The following FZD1 variants were observed in gnomAD, a reference collection of about 807,000 sequenced individuals.
FZD1 encodes the protein frizzled-1.
In FZD1, 22 loss-of-function variants were observed where a neutral mutation model predicts 48.0. The observed-to-expected ratio is 0.46, with a 90% CI of 0.33 to 0.65. FZD1 has a LOEUF of 0.65. Among genes scored for constraint, FZD1 ranks in the 30% least tolerant of loss-of-function variants. The probability of loss-of-function intolerance (pLI) is 0.02; values close to 1 mark genes in which losing one functional copy is unlikely to be tolerated. For synonymous variants in FZD1, 486 were observed against 409.6 expected, an observed-to-expected ratio of 1.19 and a Z score of -2.25; for missense variants, 843 against 898.1, an observed-to-expected ratio of 0.94 and a Z score of 0.78.
chr7:91,264,645 C>G lies in FZD1; in HGVS notation c.-236C>G, dbSNP rs1397628370. The stretch of plus-strand genomic sequence containing the variant: ...GAGGGCCAGGAAGGCGGGACACGAC[C>G]CCGGCGCGCCCTAGCCACCCGGGTT... On this transcript the variant is annotated 5_prime_UTR_variant, in exon 1 of 1. Transcript: ENST00000287934. 9 of 387,486 alleles carry G rather than the reference C, an allele frequency of 2.3e-5. No homozygotes were observed. The highest frequency in any genetic ancestry group is 4.1e-5 in the Non-Finnish European group (9 of 219,656). 24.0% of individuals were successfully genotyped at this position (387,486 alleles called of 1,614,324 possible).
At position 91,269,953 on chromosome 7, in the gene FZD1, A is replaced by G. The variant is rs1027281433; in HGVS notation, c.*3129A>G. 3.0e-5 allele frequency: 5 copies of G among 167,094 alleles called. No homozygotes were observed. Among genetic ancestry groups the G allele is most frequent in the African/African-American group, 9.6e-5 (4 of 41,458 alleles). The allele number at this position is 167,094 out of a possible 1,614,324, so 10.4% of individuals were successfully genotyped here. ...GAAAGGTTTTACATGCTGTGGTTAA[A>G]TAGCTTTAGAAGACATTTTTAAGTC... On this transcript the variant is annotated 3_prime_UTR_variant, in exon 1 of 1. Transcript: ENST00000287934.
At position 91,264,924 on chromosome 7, in the gene FZD1, G is replaced by T; in HGVS notation, c.44G>T (p.Gly15Val). 1 of 1,337,624 alleles carries T rather than the reference G, an allele frequency of 7.5e-7. No individual in the cohort carries two copies. The highest frequency in any genetic ancestry group is 9.5e-7 in the Non-Finnish European group (1 of 1,049,000). The allele number at this position is 1,337,624 out of a possible 1,614,324, so 82.9% of individuals were successfully genotyped here. A position where few individuals can be genotyped will look rare whatever the true frequency, so the allele number is the denominator to read the frequency against. ...CCTAAGAAGTCCCGGGCCGCCGGCG[G>T]TGGCGCGAGCTGGGAACTTTGTGCC... ...EAPKKSRAAG[G>V]GASWELCAGA... Residue 15 changes from glycine (G) to valine (V), a missense_variant, in exon 1 of 1, where the codon GGT becomes GTT. By Grantham distance (109) the Gly-to-Val change is moderately radical (BLOSUM62 -3). Around this residue, in one of 2 missense-constraint regions of FZD1, gnomAD observed 490 missense variants for 466.5 expected, o/e 1.05. Coordinates refer to ENST00000287934, the MANE Select transcript of FZD1 (RefSeq NM_003505.2).
chr7:91,266,389 G>C lies in FZD1; in HGVS notation c.1509G>C (p.Thr503=), dbSNP rs1179801955. Residue 503 remains threonine (T), a synonymous_variant, in exon 1 of 1, where the codon ACG becomes ACC. Transcript: ENST00000287934. The surrounding 1 kb of genome is among the most constrained non-coding windows in gnomAD (Gnocchi z 6.8). ...APLFVYLFIG[T]SFLLAGFVSL... is the part of the protein sequence containing the mutation. ...TCTTCGTGTACCTGTTTATCGGCAC[G>C]TCCTTTCTGCTGGCCGGCTTTGTGT... 6.2e-7 allele frequency: 1 copy of C among 1,614,150 alleles called. No homozygotes were observed. Among genetic ancestry groups the C allele is most frequent in the African/African-American group, 1.3e-5 (1 of 75,052 alleles).
At position 91,266,188 on chromosome 7, in the gene FZD1, C is replaced by T. The variant is rs755006800; in HGVS notation, c.1308C>T (p.Gly436=). 1.9e-6 allele frequency: 3 copies of T among 1,614,108 alleles called. No homozygotes were observed. The highest frequency in any genetic ancestry group is 2.5e-6 in the Non-Finnish European group (3 of 1,179,994). The change falls in exon 1 of 1, where the codon GGC becomes GGT. Residue 436 remains glycine, a synonymous_variant. Coordinates refer to ENST00000287934, the MANE Select transcript of FZD1 (RefSeq NM_003505.2). This position sits in a 1 kb window ranked among gnomAD's most constrained non-coding sequence, Gnocchi z 6.8. ...TWFLAAGMKW[G]HEAIEANSQY... Reference sequence around the variant, plus strand: ...TCCTGGCGGCTGGCATGAAGTGGGGCCACGAGGCCATCGAAGCCAACTCAC... The same window carrying T: ...TCCTGGCGGCTGGCATGAAGTGGGGTCACGAGGCCATCGAAGCCAACTCAC...
At position 91,271,265 on chromosome 7, in the gene FZD1, C is replaced by T. The variant is rs1803963907; in HGVS notation, c.*4441C>T. On this transcript the variant is annotated 3_prime_UTR_variant, in exon 1 of 1. Transcript: ENST00000287934. ...TGACAATGGATATGTTAAACTTTAACAATTATAGTGACAAAACAGCTTGCT... is the reference window on the plus strand; with the variant it reads ...TGACAATGGATATGTTAAACTTTAATAATTATAGTGACAAAACAGCTTGCT... 6.0e-6 allele frequency: 1 copy of T among 166,950 alleles called. No homozygotes were observed. Among genetic ancestry groups the T allele is most frequent in the South Asian group, 2.1e-4 (1 of 4,826 alleles). 10.3% of individuals were successfully genotyped at this position (166,950 alleles called of 1,614,324 possible).
rs1052015 is a variant in FZD1, at chr7:91,268,416, A to C, written c.*1592A>C. 0.15 allele frequency: 25,105 copies of C among 167,106 alleles called. 2,166 individuals carry two copies. Among genetic ancestry groups the C allele is most frequent in the East Asian group, 0.2 (1,062 of 5,188 alleles). The allele number at this position is 167,106 out of a possible 1,614,324, so 10.4% of individuals were successfully genotyped here. On this transcript the variant is annotated 3_prime_UTR_variant, in exon 1 of 1. Transcript: ENST00000287934. ...CTTTTGGATTTACAGAAATGTGTCA[A>C]ATGTAAATCTTTCAAAGCCATTTAA...
rs1335374540 is a variant in FZD1, at chr7:91,265,006, C to T, written c.126C>T (p.Arg42=). The T allele has an allele frequency of 2.9e-6, 4 of 1,398,158 alleles. No homozygotes were observed. Among genetic ancestry groups the T allele is most frequent in the Non-Finnish European group, 2.8e-6 (3 of 1,076,558 alleles). The allele number at this position is 1,398,158 out of a possible 1,614,324, so 86.6% of individuals were successfully genotyped here. A position where few individuals can be genotyped will look rare whatever the true frequency, so the allele number is the denominator to read the frequency against. Residue 42 remains arginine (R), a synonymous_variant, in exon 1 of 1, where the codon CGC becomes CGT. Transcript: ENST00000287934. This position sits in a 1 kb window ranked among gnomAD's most constrained non-coding sequence, Gnocchi z 6.9. ...GCAGCGGGGACGCCGGTGGCCGCCG[C>T]CGCCCGCCAGTTGACCCCCGGCGAT... is the stretch of plus-strand genomic sequence containing the variant. ...EEGSGDAGGR[R]RPPVDPRRLA...
In FZD1 at chr7:91,266,354, C is replaced by T; in HGVS notation, c.1474C>T (p.Leu492=). The T allele has an allele frequency of 6.2e-7, 1 of 1,614,160 alleles. No homozygotes were observed. Among genetic ancestry groups the T allele is most frequent in the Non-Finnish European group, 8.5e-7 (1 of 1,180,028 alleles). Residue 492 remains leucine (L), a synonymous_variant, in exon 1 of 1, where the codon CTG becomes TTG. Transcript: ENST00000287934. The surrounding 1 kb of genome is among the most constrained non-coding windows in gnomAD (Gnocchi z 6.8). ...NNVDALRGFV[L]APLFVYLFIG... Reference sequence around the variant, plus strand: ...CGTGGACGCGCTGCGTGGCTTCGTGCTGGCGCCCCTCTTCGTGTACCTGTT... The same window carrying T: ...CGTGGACGCGCTGCGTGGCTTCGTGTTGGCGCCCCTCTTCGTGTACCTGTT...
Position 91,264,545 on chromosome 7 carries a change from T to C in FZD1, c.-336T>C, listed in dbSNP as rs540842487. On this transcript the variant is annotated 5_prime_UTR_variant, in exon 1 of 1. Coordinates refer to ENST00000287934, the MANE Select transcript of FZD1 (RefSeq NM_003505.2). ...AGGCGCAGGGGGGAGCCGAGCCCGCTGGGCTGCGGAGAGTTGCGCTCTCTA... is the reference window on the plus strand; with the variant it reads ...AGGCGCAGGGGGGAGCCGAGCCCGCCGGGCTGCGGAGAGTTGCGCTCTCTA... 4.4e-4 allele frequency: 150 copies of C among 340,836 alleles called. 2 individuals carry two copies. The highest frequency in any genetic ancestry group is 2.9e-3 in the South Asian group (20 of 6,784). The allele number at this position is 340,836 out of a possible 1,614,324, so 21.1% of individuals were successfully genotyped here.
Position 91,265,776 on chromosome 7 carries a change from C to T in FZD1, c.896C>T (p.Pro299Leu). Residue 299 changes from proline to leucine, a missense_variant, in exon 1 of 1, where the codon CCT (proline) becomes CTT (leucine). Pro to Leu is a moderately conservative substitution (Grantham distance 98). Around this residue, in one of 2 missense-constraint regions of FZD1, gnomAD observed 490 missense variants for 466.5 expected, o/e 1.05. Coordinates refer to ENST00000287934, the MANE Select transcript of FZD1 (RefSeq NM_003505.2). This position sits in a 1 kb window ranked among gnomAD's most constrained non-coding sequence, Gnocchi z 6.9. The stretch of plus-strand genomic sequence containing the variant: ...CTGGGGGAGAAGGACTGCGGCGCAC[C>T]TTGTGAGCCGACCAAGGTGTATGGG... The part of the protein sequence containing the change: ...HFLGEKDCGA[P>L]CEPTKVYGLM... 3 of 1,612,212 alleles carry T rather than the reference C, an allele frequency of 1.9e-6. No individual in the cohort carries two copies. Among genetic ancestry groups the T allele is most frequent in the Non-Finnish European group, 2.5e-6 (3 of 1,178,730 alleles).
In FZD1 at chr7:91,268,212, A is replaced by G. The variant is rs911016238; in HGVS notation, c.*1388A>G. 5 of 166,996 alleles carry G rather than the reference A, an allele frequency of 3.0e-5. No homozygotes were observed. Among genetic ancestry groups the G allele is most frequent in the African/African-American group, 1.2e-4 (5 of 41,466 alleles). The allele number at this position is 166,996 out of a possible 1,614,324, so 10.3% of individuals were successfully genotyped here. A position where few individuals can be genotyped will look rare whatever the true frequency, so the allele number is the denominator to read the frequency against. ...CAACATTTTATTACGATTATTATTC[A>G]GCAGCACATTCTGAGGGGGGAACAA... is the stretch of plus-strand genomic sequence containing the variant. On this transcript the variant is annotated 3_prime_UTR_variant, in exon 1 of 1. Coordinates refer to ENST00000287934, the MANE Select transcript of FZD1 (RefSeq NM_003505.2).
At position 91,265,066 on chromosome 7, in the gene FZD1, G is replaced by A; in HGVS notation, c.186G>A (p.Leu62=). The change falls in exon 1 of 1, where the codon CTG becomes CTA. Residue 62 remains leucine, a synonymous_variant. Transcript: ENST00000287934. The surrounding 1 kb of genome is among the most constrained non-coding windows in gnomAD (Gnocchi z 6.9). ...ARQLLLLLWL[L]EAPLLLGVRA... Reference sequence around the variant, plus strand: ...AGCTGCTGCTGCTGCTTTGGCTGCTGGAGGCTCCGCTGCTGCTGGGGGTCC... The same window carrying A: ...AGCTGCTGCTGCTGCTTTGGCTGCTAGAGGCTCCGCTGCTGCTGGGGGTCC... 1 of 1,383,292 alleles carries A rather than the reference G, an allele frequency of 7.2e-7. No homozygotes were observed. Among genetic ancestry groups the A allele is most frequent in the East Asian group, 3.0e-5 (1 of 32,812 alleles). The allele number at this position is 1,383,292 out of a possible 1,614,324, so 85.7% of individuals were successfully genotyped here.
rs1803955075 is a variant in FZD1, at chr7:91,270,693, T to C, written c.*3869T>C. 1 of 165,886 alleles carries C rather than the reference T, an allele frequency of 6.0e-6. No homozygotes were observed. The highest frequency in any genetic ancestry group is 2.1e-4 in the South Asian group (1 of 4,834). 10.3% of individuals were successfully genotyped at this position (165,886 alleles called of 1,614,324 possible). A position where few individuals can be genotyped will look rare whatever the true frequency, so the allele number is the denominator to read the frequency against. ...TACTGTGTGTGCTTTTGCTTTCTAATCCATCTATTGACTATTGGCCACAAT... is the reference window on the plus strand; with the variant it reads ...TACTGTGTGTGCTTTTGCTTTCTAACCCATCTATTGACTATTGGCCACAAT... On this transcript the variant is annotated 3_prime_UTR_variant, in exon 1 of 1. Transcript: ENST00000287934.
rs747030550 is a variant in FZD1 at position 91,264,438 on chromosome 7, G to C, written c.-443G>C. The stretch of plus-strand genomic sequence containing the variant: ...CTACGGGGCGCCTGGAAACCGGTCC[G>C]AGGGCGCGCGAGGCAGAGGAGAGGG... On this transcript the variant is annotated 5_prime_UTR_variant, in exon 1 of 1. Coordinates refer to ENST00000287934, the MANE Select transcript of FZD1 (RefSeq NM_003505.2). 4.7e-6 allele frequency: 1 copy of C among 212,826 alleles called. No homozygotes were observed. Among genetic ancestry groups the C allele is most frequent in the Non-Finnish European group, 9.3e-6 (1 of 107,250 alleles). 13.2% of individuals were successfully genotyped at this position (212,826 alleles called of 1,614,324 possible). A position where few individuals can be genotyped will look rare whatever the true frequency, so the allele number is the denominator to read the frequency against.
chr7:91,265,053 T>C lies in FZD1; in HGVS notation c.173T>C (p.Leu58Pro), dbSNP rs1179180454. The C allele has an allele frequency of 8.7e-6, 12 of 1,383,604 alleles. No homozygotes were observed. Among genetic ancestry groups the C allele is most frequent in the Non-Finnish European group, 1.0e-5 (11 of 1,070,918 alleles). The allele number at this position is 1,383,604 out of a possible 1,614,324, so 85.7% of individuals were successfully genotyped here. ...PRRLARQLLL[L>P]LWLLEAPLLL... ...CGATTGGCGCGCCAGCTGCTGCTGCTGCTTTGGCTGCTGGAGGCTCCGCTG... is the reference window on the plus strand; with the variant it reads ...CGATTGGCGCGCCAGCTGCTGCTGCCGCTTTGGCTGCTGGAGGCTCCGCTG... Residue 58 changes from leucine to proline, a missense_variant, in exon 1 of 1, where the codon CTG (leucine) becomes CCG (proline). Physicochemically the swap from Leu to Pro is moderately conservative, Grantham distance 98 (BLOSUM62 -3). Around this residue, in one of 2 missense-constraint regions of FZD1, gnomAD observed 490 missense variants for 466.5 expected, o/e 1.05. Coordinates refer to ENST00000287934, the MANE Select transcript of FZD1 (RefSeq NM_003505.2). The surrounding 1 kb of genome is among the most constrained non-coding windows in gnomAD (Gnocchi z 6.9).
In FZD1 at chr7:91,265,003, C is replaced by A. The variant is rs1803846809; in HGVS notation, c.123C>A (p.Arg41=). Residue 41 remains arginine, a synonymous_variant, in exon 1 of 1, where the codon CGC becomes CGA. Coordinates refer to ENST00000287934, the MANE Select transcript of FZD1 (RefSeq NM_003505.2). This position sits in a 1 kb window ranked among gnomAD's most constrained non-coding sequence, Gnocchi z 6.9. ...AGGGCAGCGGGGACGCCGGTGGCCG[C>A]CGCCGCCCGCCAGTTGACCCCCGGC... ...AEEGSGDAGG[R]RRPPVDPRRL... The A allele has an allele frequency of 7.2e-7, 1 of 1,396,258 alleles. No homozygotes were observed. Among genetic ancestry groups the A allele is most frequent in the Non-Finnish European group, 9.3e-7 (1 of 1,075,536 alleles). 86.5% of individuals were successfully genotyped at this position (1,396,258 alleles called of 1,614,324 possible). A position where few individuals can be genotyped will look rare whatever the true frequency, so the allele number is the denominator to read the frequency against.
Position 91,267,450 on chromosome 7 carries a change from G to A in FZD1, c.*626G>A. On this transcript the variant is annotated 3_prime_UTR_variant, in exon 1 of 1. Transcript: ENST00000287934. ...TCCCTTTCTTTCCTGGCTTGAGGTA[G>A]GGGCTCTTAAGGTACAGAACTCCAC... 1 of 167,442 alleles carries A rather than the reference G, an allele frequency of 6.0e-6. No individual in the cohort carries two copies. 10.4% of individuals were successfully genotyped at this position (167,442 alleles called of 1,614,324 possible).
Position 91,264,951 on chromosome 7 carries a change from G to C in FZD1, c.71G>C (p.Gly24Ala). ...GGCGCGAGCTGGGAACTTTGTGCCG[G>C]GGCGCTCTCGGCCCGGCTGGCGGAG... Reference protein sequence around the residue: ...GGGASWELCAGALSARLAEEG... With the variant: ...GGGASWELCAAALSARLAEEG... Residue 24 changes from glycine (G) to alanine (A), a missense_variant, in exon 1 of 1, where the codon GGG (glycine) becomes GCG (alanine). By Grantham distance (60) the Gly-to-Ala change is moderately conservative. Coordinates refer to ENST00000287934, the MANE Select transcript of FZD1 (RefSeq NM_003505.2). The C allele has an allele frequency of 7.4e-7, 1 of 1,352,102 alleles. No individual in the cohort carries two copies. Among genetic ancestry groups the C allele is most frequent in the Non-Finnish European group, 9.5e-7 (1 of 1,056,246 alleles). The allele number at this position is 1,352,102 out of a possible 1,614,324, so 83.8% of individuals were successfully genotyped here.
chr7:91,265,242 T>C lies in FZD1; in HGVS notation c.362T>C (p.Ile121Thr). 1 of 1,614,048 alleles carries C rather than the reference T, an allele frequency of 6.2e-7. No individual in the cohort carries two copies. Among genetic ancestry groups the C allele is most frequent in the Non-Finnish European group, 8.5e-7 (1 of 1,179,960 alleles). The stretch of plus-strand genomic sequence containing the variant: ...CACGGCTATTGCCAGCCCATCTCCA[T>C]CCCGCTGTGCACGGACATCGCGTAC... ...PDHGYCQPISIPLCTDIAYNQ... is the reference protein window; with the variant it reads ...PDHGYCQPISTPLCTDIAYNQ... The change falls in exon 1 of 1, where the codon ATC (isoleucine) becomes ACC (threonine). Residue 121 changes from isoleucine (I) to threonine (T), a missense_variant. Coordinates refer to ENST00000287934, the MANE Select transcript of FZD1 (RefSeq NM_003505.2). The surrounding 1 kb of genome is among the most constrained non-coding windows in gnomAD (Gnocchi z 6.9).
Sources: allele counts gnomAD v4.1 joint callset, GRCh38; gene constraint gnomAD v4.1.1; regional missense constraint gnomAD v4.1.1; non-coding constraint Gnocchi (gnomAD v3.1); transcripts MANE v1.5; gene names NCBI Gene and HGNC (gene_info 2026-07-23, HGNC 2026-07-21).